The following RPTOR variants were observed in gnomAD, a reference collection of about 807,000 sequenced individuals.
RPTOR encodes the protein regulatory-associated protein of mTOR.
RPTOR carries 21 observed loss-of-function variants against 169.9 expected under a neutral mutation model. The observed-to-expected ratio is 0.12, with a 90% CI of 0.09 to 0.18. RPTOR has a LOEUF of 0.18. RPTOR is among the 10% of genes least tolerant of loss of function. RPTOR has a pLI of 1.00. For missense variants in RPTOR, 1,133 were observed against 1,855.9 expected, an observed-to-expected ratio of 0.61 and a Z score of 7.16; for synonymous variants, 732 against 753.2, an observed-to-expected ratio of 0.97 and a Z score of 0.46.
intron 13 of RPTOR, among the ~76,000 whole-genome samples, chr17:80,870,823 C>T (rs2068043935): frequency 6.6e-6 from 1 of 152,228 alleles, no homozygotes; most frequent in Admixed American, 6.5e-5. Flanking sequence ...GTACCCTACA[C>T]CCAATTTTCC....
At chr17:80,750,469 C>G (rs772981586) in intron 5 of RPTOR, among the ~76,000 whole-genome samples, 23 of 152,182 alleles carry the variant, frequency 1.5e-4, no homozygotes, top group Non-Finnish European at 2.9e-4. Flanking sequence ...CCTCCCAGCC[C>G]CTTTCCGGAG....
At chr17:80,682,132 C>G (rs2065904408) in intron 3 of RPTOR, among the ~76,000 whole-genome samples, 1 of 122,218 alleles carries the variant, frequency 8.2e-6, no homozygotes, top group African/African-American at 2.9e-5. Flanking sequence ...CAAACAAAGT[C>G]TCGCTCTGTC....
chr17:80,709,640 T>C (rs1336617644), intron 4 of RPTOR, among the ~76,000 whole-genome samples: 1 of 152,224 alleles, frequency 6.6e-6, no homozygotes, highest in East Asian at 1.9e-4. Flanking sequence ...GGTTCCCATC[T>C]TGTTTCTGCT....
At position 80,813,739 on chromosome 17, in the gene RPTOR, C is replaced by A. The variant is rs138078287; in HGVS notation, c.891-8462C>A. Among the ~76,000 whole-genome samples, 591 of 152,284 alleles carry A rather than the reference C, an allele frequency of 3.9e-3. 2 individuals carry two copies. The highest frequency in any genetic ancestry group is 6.8e-3 in the Middle Eastern group (2 of 294). ...TATTTGCAGTAAGTAAGTGAACCAG[C>A]CCAAGCTTCTCTACACCGTCATTTT... On this transcript the variant is annotated intron_variant, in intron 7 of 33. Coordinates refer to ENST00000306801, the MANE Select transcript of RPTOR (RefSeq NM_020761.3).
chr17:80,665,968 A>G (rs2065775887), intron 3 of RPTOR, among the ~76,000 whole-genome samples: 1 of 152,150 alleles, frequency 6.6e-6, no homozygotes, highest in Non-Finnish European at 1.5e-5. Flanking sequence ...TCTCCCTCCC[A>G]TCTGCCTGTG....
intron 5 of RPTOR, among the ~76,000 whole-genome samples, chr17:80,742,773 T>C (rs2066496996): frequency 1.3e-5 from 2 of 151,974 alleles, no homozygotes; most frequent in Admixed American, 6.5e-5. Context: ...CACGCACATG[T>C]ATACATGTGC....
chr17:80,615,406 TCAGGACACAGTCTTTTTTTCC>T, intron 1 of RPTOR, among the ~76,000 whole-genome samples: 1 of 152,072 alleles, frequency 6.6e-6, no homozygotes, highest in Non-Finnish European at 1.5e-5. Context: ...GCTGCAGGAG[TCAGGACACAGTCTTTTTTTCC>T]CCACCTTAGT....
At chr17:80,706,465 T>TCA (rs1365196949) in intron 3 of RPTOR, among the ~76,000 whole-genome samples, 18 of 152,226 alleles carry the variant, frequency 1.2e-4, no homozygotes, top group Non-Finnish European at 2.4e-4. Context: ...ACTCAGGTTC[T>TCA]CTGGAAGTTG....
chr17:80,720,352 G>A (rs543422657), intron 4 of RPTOR, among the ~76,000 whole-genome samples: 15 of 151,988 alleles, frequency 9.9e-5, no homozygotes, highest in African/African-American at 3.1e-4. Context: ...AGAAAAATAC[G>A]TGATTTTTAA....
chr17:80,688,149 C>T (rs546688181), intron 3 of RPTOR, among the ~76,000 whole-genome samples: 1 of 152,298 alleles, frequency 6.6e-6, no homozygotes, highest in East Asian at 1.9e-4. Flanking sequence ...CATTTATGAA[C>T]ACTCACGTAG....
At chr17:80,710,412 C>T (rs949512522) in intron 4 of RPTOR, among the ~76,000 whole-genome samples, 8 of 152,058 alleles carry the variant, frequency 5.3e-5, no homozygotes, top group African/African-American at 1.2e-4. Context: ...CTCTTGTCCT[C>T]GCAGAGGGAG....
chr17:80,965,066 G>A lies in RPTOR; in HGVS notation c.*736G>A, dbSNP rs1424723494. On this transcript the variant is annotated 3_prime_UTR_variant, in exon 34 of 34. Transcript: ENST00000306801. Reference sequence around the variant, plus strand: ...TCACACAGAGCTGTCAGCAGGGGCCGCTGTGGCGGTGCACAGGGGAGGCAG... The same window carrying A: ...TCACACAGAGCTGTCAGCAGGGGCCACTGTGGCGGTGCACAGGGGAGGCAG... The A allele has an allele frequency of 2.6e-5, 6 of 233,372 alleles. No homozygotes were observed. The highest frequency in any genetic ancestry group is 1.2e-4 in the East Asian group (2 of 16,586). 14.5% of individuals were successfully genotyped at this position (233,372 alleles called of 1,614,324 possible).
intron 10 of RPTOR, among the ~76,000 whole-genome samples, chr17:80,843,929 G>A (rs1436157022): frequency 1.3e-5 from 2 of 152,186 alleles, no homozygotes; most frequent in African/African-American, 4.8e-5. Flanking sequence ...CAAAACTCCT[G>A]GCATCCAAAT....
At chr17:80,661,408 G>A (rs2065722828) in intron 3 of RPTOR, among the ~76,000 whole-genome samples, 1 of 152,184 alleles carries the variant, frequency 6.6e-6, no homozygotes, top group African/African-American at 2.4e-5. Flanking sequence ...TCTCAGCAGA[G>A]GAGTCGCGCG....
chr17:80,613,939 C>G (rs1366393494), intron 1 of RPTOR, among the ~76,000 whole-genome samples: 1 of 152,224 alleles, frequency 6.6e-6, no homozygotes, highest in Non-Finnish European at 1.5e-5. Context: ...TGTGGCCGTG[C>G]TGAGTGGATT....
chr17:80,590,795 T>TG (rs1199168217), intron 1 of RPTOR, among the ~76,000 whole-genome samples: 1 of 152,236 alleles, frequency 6.6e-6, no homozygotes, highest in African/African-American at 2.4e-5. Flanking sequence ...TTTGTTGGGT[T>TG]TTAACACCAA....
rs2066025521 is a variant in RPTOR at position 80,695,126 on chromosome 17, A to T, written c.349-12715A>T. On this transcript the variant is annotated intron_variant, in intron 3 of 33. Coordinates refer to ENST00000306801, the MANE Select transcript of RPTOR (RefSeq NM_020761.3). This position sits in a 1 kb window ranked among gnomAD's most constrained non-coding sequence, Gnocchi z 4.9. The stretch of plus-strand genomic sequence containing the variant: ...CTCTGTGCCCAGCCTCCTGTTTGTG[A>T]GGCAGGAGCGATGGCAGTGCCCACT... Among the ~76,000 whole-genome samples, 1 of 151,946 alleles carries T rather than the reference A, an allele frequency of 6.6e-6. No individual in the cohort carries two copies. Among genetic ancestry groups the T allele is most frequent in the Non-Finnish European group, 1.5e-5 (1 of 67,994 alleles).
chr17:80,822,703 T>C (rs1452292397), intron 8 of RPTOR, among the ~76,000 whole-genome samples: 1 of 152,224 alleles, frequency 6.6e-6, no homozygotes, highest in Non-Finnish European at 1.5e-5. Context: ...ATGTGCACTG[T>C]GTGTGTACAT....
At position 80,722,483 on chromosome 17, in the gene RPTOR, A is replaced by G. The variant is rs554316785; in HGVS notation, c.508-8077A>G. 7.3e-5 allele frequency among the ~76,000 whole-genome samples: 11 copies of G among 150,922 alleles called. No individual in the cohort carries two copies. In the East Asian group the frequency reaches 2.1e-3, roughly 29 times the overall value. ...GTCCCAAGCTGGGAAACTTTGGAAG[A>G]ATGAGCTGAGGCAGCCGGAGACCTG... On this transcript the variant is annotated intron_variant, in intron 4 of 33. Transcript: ENST00000306801.
Sources: gnomAD v4.1 joint callset for allele counts (sites outside exome capture counted in the v4.1 genomes callset) on GRCh38, gnomAD v4.1.1 for gene constraint, Gnocchi (gnomAD v3.1) non-coding constraint, MANE v1.5 for transcripts, NCBI Gene and HGNC (gene_info 2026-07-23, HGNC 2026-07-21) for gene names.